Variants in GGTA1 observed in about 807,000 individuals in gnomAD.
The protein encoded by GGTA1 is inactive N-acetyllactosaminide alpha-1,3-galactosyltransferase.
A neutral mutation model predicts 2.6 loss-of-function variants in GGTA1; 5 were observed. That is an observed-to-expected ratio of 1.92 (90% CI 1.00 to 4.04). GGTA1 has a LOEUF of 4.04. Ranked by LOEUF, GGTA1 falls within the 30% of genes most tolerant of loss-of-function variation. The pLI is 0.00. For missense variants in GGTA1, 50 were observed against 16.7 expected (o/e 2.99, Z -3.47); for synonymous variants, 17 against 5.0 (o/e 3.38, Z -3.19).
intron 1 of GGTA1, among the ~76,000 whole-genome samples, chr9:121,483,814 A>C (rs1828702059): frequency 6.6e-6 from 1 of 152,048 alleles, no homozygotes; most frequent in Non-Finnish European, 1.5e-5. Flanking sequence ...ACGATCTCCA[A>C]CCTGCTTACC....
At position 121,484,146 on chromosome 9, in the gene GGTA1, T is replaced by C. The variant is rs558887576; in HGVS notation, c.-10+15504A>G. 1.2e-3 allele frequency among the ~76,000 whole-genome samples: 177 copies of C among 152,314 alleles called. 5 individuals carry two copies. In the South Asian group the frequency reaches 0.033, roughly 29 times the overall value. On this transcript the variant is annotated intron_variant, in intron 1 of 5. Transcript: ENST00000481799. ...ACTAAAAGCCCAGACCTCACCACTATGCAGTATATCCATGTAACAAAACTG... is the reference window on the plus strand; with the variant it reads ...ACTAAAAGCCCAGACCTCACCACTACGCAGTATATCCATGTAACAAAACTG...
chr9:121,471,611 A>G (rs180953612), intron 1 of GGTA1, among the ~76,000 whole-genome samples: 2 of 152,196 alleles, frequency 1.3e-5, no homozygotes, highest in African/African-American at 4.8e-5. Context: ...GTTTGGAAAC[A>G]AAAAAGCTGG....
intron 1 of GGTA1, among the ~76,000 whole-genome samples, chr9:121,496,649 T>C (rs1269797215): frequency 6.9e-6 from 1 of 144,124 alleles, no homozygotes; most frequent in East Asian, 2.0e-4. Context: ...GGAGAATCGC[T>C]TGAACCCGGG....
intron 2 of GGTA1, among the ~76,000 whole-genome samples, chr9:121,464,948 G>A (rs893418832): frequency 1.3e-5 from 2 of 148,384 alleles, no homozygotes; most frequent in Non-Finnish European, 1.5e-5. Flanking sequence ...TTGTGTCCTC[G>A]GCTCACCTCA....
downstream of GGTA1, among the ~76,000 whole-genome samples, chr9:121,453,736 C>T (rs1186187493): frequency 2.0e-5 from 3 of 152,182 alleles, no homozygotes; most frequent in South Asian, 2.1e-4. Context: ...TTAGCAAATA[C>T]GTCGGGCCAG....
exon 8 of GGTA1, chr9:121,445,880 G>A (rs1393637274): frequency 1.3e-5 from 2 of 152,162 alleles, no homozygotes; most frequent in Non-Finnish European, 2.9e-5. Flanking sequence ...CTAGCTAAGT[G>A]GTGACCGAGT....
intron 1 of GGTA1, among the ~76,000 whole-genome samples, chr9:121,493,964 C>G (rs1438167953): frequency 6.6e-6 from 1 of 152,016 alleles, no homozygotes; most frequent in Non-Finnish European, 1.5e-5. Context: ...GCCATGTTGA[C>G]TAGGCTGGTC....
chr9:121,472,701 CT>C (rs150941117), intron 1 of GGTA1, among the ~76,000 whole-genome samples: 9,465 of 152,246 alleles, frequency 0.062, 345 homozygotes, highest in East Asian at 0.11. Context: ...CTACAACCCC[CT>C]ATGTGTGCCG....
intron 5 of GGTA1, among the ~76,000 whole-genome samples, chr9:121,459,804 A>G (rs1258098337): frequency 1.3e-5 from 2 of 152,164 alleles, no homozygotes; most frequent in East Asian, 1.9e-4. Flanking sequence ...TTTCACAGTA[A>G]CGACCCCTGT....
At chr9:121,461,515 C>G (rs1410155204) in intron 3 of GGTA1, among the ~76,000 whole-genome samples, 198 bp from the exon 4 acceptor site, 4 of 152,164 alleles carry the variant, frequency 2.6e-5, no homozygotes, top group Admixed American at 6.5e-5. Flanking sequence ...TCTCTCCTCC[C>G]TTGGGTAGCC....
intron 1 of GGTA1, among the ~76,000 whole-genome samples, chr9:121,479,796 A>G (rs1828599071): frequency 1.3e-5 from 2 of 152,178 alleles, no homozygotes; most frequent in Non-Finnish European, 2.9e-5. Context: ...ATGTTCCTCA[A>G]AGTTAAGTCC....
rs1229410538 is a variant in GGTA1 at position 121,455,699 on chromosome 9, T to C, written c.*138A>G. The C allele has an allele frequency of 2.8e-6, 1 of 355,068 alleles. No individual in the cohort carries two copies. Among genetic ancestry groups the C allele is most frequent in the Non-Finnish European group, 5.6e-6 (1 of 177,378 alleles). 22.0% of individuals were successfully genotyped at this position (355,068 alleles called of 1,614,324 possible). ...CTGAGATGGGAGAAATGAGACCCAG[T>C]CCTTCCCCTTGAGAATCTCGCAGTC... On this transcript the variant is annotated 3_prime_UTR_variant, in exon 6 of 6. Transcript: ENST00000481799.
At chr9:121,459,068 C>T (rs1451407951) in intron 5 of GGTA1, among the ~76,000 whole-genome samples, 1 of 152,218 alleles carries the variant, frequency 6.6e-6, no homozygotes, top group Non-Finnish European at 1.5e-5. Flanking sequence ...CCCATCCCTT[C>T]ACACTGGCAT....
intron 4 of GGTA1, 114 bp downstream of exon 4, chr9:121,461,138 A>G (rs2064957520): frequency 8.2e-6 from 3 of 367,768 alleles, no homozygotes; most frequent in Admixed American, 7.7e-5. Context: ...TATAATTTCA[A>G]TAAGCAAGAA....
intron 7 of GGTA1, among the ~76,000 whole-genome samples, chr9:121,449,931 G>C (rs565633955): frequency 6.6e-6 from 1 of 151,860 alleles, no homozygotes; most frequent in African/African-American, 2.4e-5. Context: ...TATTTGTGAA[G>C]CTATGCTATG....
chr9:121,498,612 A>G (rs2118793470), intron 1 of GGTA1, among the ~76,000 whole-genome samples: 1 of 152,308 alleles, frequency 6.6e-6, no homozygotes, highest in Middle Eastern at 3.4e-3. Context: ...GCGGCAGGCC[A>G]GGGCTGCACC....
intron 1 of GGTA1, among the ~76,000 whole-genome samples, chr9:121,491,802 G>T (rs1344072192): frequency 6.6e-6 from 1 of 152,024 alleles, no homozygotes; most frequent in South Asian, 2.1e-4. Context: ...TAGAGATGGG[G>T]TTTCACCATG....
chr9:121,462,574 A>G (rs2064970063), intron 3 of GGTA1: 1 of 152,220 alleles, frequency 6.6e-6, no homozygotes, highest in Non-Finnish European at 1.5e-5. Context: ...AGAAAGAGAT[A>G]CATTGATTTC....
At chr9:121,461,110 C>T (rs567225485) in intron 4 of GGTA1, 142 bp downstream of exon 4, 7 of 345,980 alleles carry the variant, frequency 2.0e-5, no homozygotes, top group Middle Eastern at 4.0e-4. Flanking sequence ...CCTAGTCCCA[C>T]TCACAAAATA....
Sources: allele counts gnomAD v4.1 joint callset (sites outside exome capture counted in the v4.1 genomes callset), GRCh38; gene constraint gnomAD v4.1.1; transcripts MANE v1.5; gene names NCBI Gene and HGNC (gene_info 2026-07-23, HGNC 2026-07-21).